The following C1QTNF3 variants were observed in gnomAD, a reference collection of about 807,000 sequenced individuals.
C1QTNF3 encodes the protein complement C1q tumor necrosis factor-related protein 3.
Under a neutral mutation model 32.6 loss-of-function variants are expected in C1QTNF3, and 26 were observed. That is an observed-to-expected ratio of 0.80 (90% CI 0.58 to 1.11). The LOEUF (loss-of-function observed/expected upper bound fraction) is 1.11. C1QTNF3 is among the 50% of genes least tolerant of loss of function. The probability of loss-of-function intolerance (pLI) is 0.00; values close to 1 mark genes in which losing one functional copy is unlikely to be tolerated. For synonymous variants in C1QTNF3, 155 were observed against 146.0 expected, an observed-to-expected ratio of 1.06 and a Z score of -0.44; for missense variants, 362 against 398.2, an observed-to-expected ratio of 0.91 and a Z score of 0.77.
At chr5:34,138,586 T>C in the C1QTNF3 span, among the ~76,000 whole-genome samples, 2 of 152,160 alleles carry the variant, frequency 1.3e-5, no homozygotes, top group African/African-American at 4.8e-5. Context: ...ACTTGAATTC[T>C]ATGATGTTGG....
At chr5:34,058,831 G>A in the C1QTNF3 span, among the ~76,000 whole-genome samples, 1 of 152,218 alleles carries the variant, frequency 6.6e-6, no homozygotes, top group Non-Finnish European at 1.5e-5. Flanking sequence ...ATTTCGATCA[G>A]TAAATCTGAG....
At chr5:34,091,841 TA>T in the C1QTNF3 span, among the ~76,000 whole-genome samples, 1 of 151,996 alleles carries the variant, frequency 6.6e-6, no homozygotes, top group Non-Finnish European at 1.5e-5. Flanking sequence ...ATTTTGTAAT[TA>T]TTTTTTATAT....
the C1QTNF3 span, among the ~76,000 whole-genome samples, chr5:34,160,799 C>T: frequency 6.6e-6 from 1 of 151,684 alleles, no homozygotes; most frequent in South Asian, 2.1e-4. Flanking sequence ...TAATCCCTGA[C>T]CGCTGACAGA....
intron 4 of C1QTNF3, chr5:34,024,239 G>A (rs1465103543): frequency 1.6e-5 from 7 of 444,522 alleles, no homozygotes; most frequent in Admixed American, 3.6e-5. Context: ...GTCTTTAAGG[G>A]AAGGAGCCTA....
chr5:34,182,513 AT>A, the C1QTNF3 span, among the ~76,000 whole-genome samples: 1 of 138,854 alleles, frequency 7.2e-6, no homozygotes. Flanking sequence ...AAATAAATAA[AT>A]AAATAAAAAA....
chr5:34,083,311 C>T, the C1QTNF3 span, among the ~76,000 whole-genome samples: 1 of 151,536 alleles, frequency 6.6e-6, no homozygotes, highest in Non-Finnish European at 1.5e-5. Context: ...TTTAATCCTG[C>T]CATTTACATG....
the C1QTNF3 span, among the ~76,000 whole-genome samples, chr5:34,129,721 TATAA>T: frequency 1.3e-5 from 2 of 151,886 alleles, no homozygotes; most frequent in African/African-American, 4.8e-5. Flanking sequence ...AATTGATCAA[TATAA>T]ATATATATAA....
chr5:34,023,998 G>A lies in C1QTNF3; in HGVS notation c.711C>T (p.Phe237=). The A allele has an allele frequency of 6.2e-7, 1 of 1,613,894 alleles. No individual in the cohort carries two copies. The highest frequency in any genetic ancestry group is 8.5e-7 in the Non-Finnish European group (1 of 1,179,866). The part of the protein sequence containing the change: ...RFGAPVSGVY[F]FTFSMMKHED... Reference sequence around the variant, plus strand: ...CATGCTTCATCATGCTGAAGGTGAAGAAATACACACCTGAAAAAAGCAGGT... The same window carrying A: ...CATGCTTCATCATGCTGAAGGTGAAAAAATACACACCTGAAAAAAGCAGGT... Residue 237 remains phenylalanine (F), a synonymous_variant, in exon 5 of 6, where the codon TTC becomes TTT. Transcript: ENST00000382065.
chr5:34,122,989 C>T, the C1QTNF3 span, among the ~76,000 whole-genome samples: 77 of 150,160 alleles, frequency 5.1e-4, no homozygotes, highest in Non-Finnish European at 7.8e-4. Context: ...CTCCACTCCC[C>T]GCACTCTGCA....
the C1QTNF3 span, among the ~76,000 whole-genome samples, chr5:34,131,096 A>C: frequency 6.6e-6 from 1 of 152,262 alleles, no homozygotes; most frequent in African/African-American, 2.4e-5. Flanking sequence ...ATGCAACCAC[A>C]TATACTCAAA....
the C1QTNF3 span, among the ~76,000 whole-genome samples, chr5:34,089,421 A>G: frequency 6.6e-6 from 1 of 152,088 alleles, no homozygotes; most frequent in Non-Finnish European, 1.5e-5. Context: ...TGGGGGCATA[A>G]ATGGTATGAA....
chr5:34,126,105 G>A, the C1QTNF3 span, among the ~76,000 whole-genome samples: 2 of 152,192 alleles, frequency 1.3e-5, no homozygotes, highest in Non-Finnish European at 2.9e-5. Context: ...AGCGAGAAAT[G>A]TTCTACTCAG....
the C1QTNF3 span, among the ~76,000 whole-genome samples, chr5:34,226,849 C>T: frequency 2.6e-5 from 4 of 150,972 alleles, no homozygotes; most frequent in Non-Finnish European, 4.4e-5. Flanking sequence ...AGAAAAAATA[C>T]GTTTACAGTA....
At chr5:34,057,508 G>A in the C1QTNF3 span, among the ~76,000 whole-genome samples, 2 of 152,204 alleles carry the variant, frequency 1.3e-5, no homozygotes, top group East Asian at 3.8e-4. Flanking sequence ...AGGATCAAGT[G>A]TCTGGCTATC....
intron 1 of C1QTNF3, among the ~76,000 whole-genome samples, chr5:34,036,992 A>G (rs1445256988): frequency 1.3e-5 from 2 of 152,182 alleles, no homozygotes; most frequent in African/African-American, 4.8e-5. Context: ...CACTGTTTGA[A>G]CCAATGTTTA....
At chr5:34,033,070 G>C in intron 3 of C1QTNF3, 1 of 455,926 alleles carries the variant, frequency 2.2e-6, no homozygotes, top group Admixed American at 4.0e-5. Flanking sequence ...TTCTATGAGG[G>C]ACTTAGATTT....
At chr5:34,071,520 G>C in the C1QTNF3 span, among the ~76,000 whole-genome samples, 5 of 152,086 alleles carry the variant, frequency 3.3e-5, no homozygotes, top group South Asian at 1.0e-3. Flanking sequence ...TATCGCTGTT[G>C]AGAGGAGGCT....
chr5:34,136,622 C>T, the C1QTNF3 span, among the ~76,000 whole-genome samples: 1 of 152,278 alleles, frequency 6.6e-6, no homozygotes, highest in South Asian at 2.1e-4. Context: ...CTAGAAATAC[C>T]ATTTGACTCA....
At chr5:34,059,803 G>A in the C1QTNF3 span, among the ~76,000 whole-genome samples, 1 of 152,168 alleles carries the variant, frequency 6.6e-6, no homozygotes, top group Non-Finnish European at 1.5e-5. Flanking sequence ...TTGGGGTGGA[G>A]GGTTGGGACA....
Sources: allele counts gnomAD v4.1 joint callset (sites outside exome capture counted in the v4.1 genomes callset), GRCh38; gene constraint gnomAD v4.1.1; transcripts MANE v1.5; gene names NCBI Gene and HGNC (gene_info 2026-07-23, HGNC 2026-07-21).